Variants in ATP8B4 observed in about 807,000 individuals in gnomAD.
ATP8B4 encodes ATPase phospholipid transporting 8B4 (putative).
In ATP8B4, 133 loss-of-function variants were observed where a neutral mutation model predicts 145.6. The ratio of observed to expected loss-of-function variants is 0.91; its 90% CI spans 0.79 to 1.05. ATP8B4 has a LOEUF of 1.05. Among genes scored for constraint, ATP8B4 ranks in the 50% least tolerant of loss-of-function variants. The pLI is 0.00. For synonymous variants in ATP8B4, 507 were observed against 492.9 expected (o/e 1.03, Z -0.38); for missense variants, 1,458 against 1,425.2 (o/e 1.02, Z -0.37).
At chr15:50,097,327 G>C (rs1014128095) in intron 2 of ATP8B4, among the ~76,000 whole-genome samples, 1 of 151,348 alleles carries the variant, frequency 6.6e-6, no homozygotes, top group Non-Finnish European at 1.5e-5. Context: ...TCAAAGCAAT[G>C]TTTATGGTGT....
intron 2 of ATP8B4, among the ~76,000 whole-genome samples, chr15:50,085,947 T>A (rs8027793): frequency 2.4e-5 from 2 of 83,402 alleles, no homozygotes; most frequent in African/African-American, 5.0e-5. Context: ...TTATATATGA[T>A]ATATATCATA....
intron 1 of ATP8B4, among the ~76,000 whole-genome samples, chr15:50,139,864 G>C (rs925112493): frequency 1.3e-5 from 2 of 152,182 alleles, no homozygotes; most frequent in African/African-American, 4.8e-5. Context: ...TGCACAGCAA[G>C]ATGTTTTCTG....
At chr15:49,953,176 T>G (rs1316245736) in intron 14 of ATP8B4, among the ~76,000 whole-genome samples, 3 of 151,418 alleles carry the variant, frequency 2.0e-5, no homozygotes, top group African/African-American at 7.3e-5. Context: ...TGTTGAAGGG[T>G]CTCGCCCAGC....
At chr15:49,964,892 CA>C (rs955136021) in intron 13 of ATP8B4, among the ~76,000 whole-genome samples, 2 of 151,576 alleles carry the variant, frequency 1.3e-5, no homozygotes, top group Admixed American at 6.6e-5. Context: ...CAATATGTGG[CA>C]AAAAAAATCC....
chr15:49,978,325 T>G (rs774923046), intron 12 of ATP8B4, among the ~76,000 whole-genome samples: 28 of 152,124 alleles, frequency 1.8e-4, no homozygotes, highest in Non-Finnish European at 3.5e-4. Flanking sequence ...GAATCAAAGA[T>G]GAGCCAGTAG....
intron 19 of ATP8B4, among the ~76,000 whole-genome samples, chr15:49,917,977 G>C (rs1327342864): frequency 2.0e-5 from 3 of 152,098 alleles, no homozygotes; most frequent in African/African-American, 7.2e-5. Context: ...TATTTTTTGT[G>C]ATCAATGATT....
chr15:49,972,090 G>C (rs929576486), intron 13 of ATP8B4, among the ~76,000 whole-genome samples: 4 of 152,160 alleles, frequency 2.6e-5, no homozygotes, highest in Non-Finnish European at 4.4e-5. Context: ...CATGAACACA[G>C]GGAGGGGAAC....
At chr15:50,140,532 G>A (rs1157676354) in intron 1 of ATP8B4, among the ~76,000 whole-genome samples, 1 of 152,216 alleles carries the variant, frequency 6.6e-6, no homozygotes, top group Admixed American at 6.5e-5. Flanking sequence ...AAGCATTTAG[G>A]AAGGATTAAG....
chr15:50,080,712 C>T (rs2054488486), intron 2 of ATP8B4, among the ~76,000 whole-genome samples: 1 of 152,014 alleles, frequency 6.6e-6, no homozygotes, highest in African/African-American at 2.4e-5. Flanking sequence ...GAATTACAGG[C>T]ATGAACCACC....
intron 2 of ATP8B4, among the ~76,000 whole-genome samples, chr15:50,086,557 G>A (rs1465335213): frequency 2.1e-5 from 2 of 96,020 alleles, no homozygotes; most frequent in South Asian, 6.0e-4. Flanking sequence ...AAATAATATA[G>A]AGATCTATAT....
intron 9 of ATP8B4, among the ~76,000 whole-genome samples, chr15:49,994,943 T>A (rs1276893381): frequency 6.6e-6 from 1 of 152,170 alleles, no homozygotes; most frequent in East Asian, 1.9e-4. Context: ...TCTTTCATCT[T>A]ACCCTTAGCC....
At chr15:50,141,160 C>G (rs1567404209) in intron 1 of ATP8B4, among the ~76,000 whole-genome samples, 2 of 152,122 alleles carry the variant, frequency 1.3e-5, no homozygotes, top group Non-Finnish European at 2.9e-5. Context: ...GGGACATTCC[C>G]TTTCCAAGAC....
intron 2 of ATP8B4, among the ~76,000 whole-genome samples, chr15:50,090,636 T>A (rs2055548750): frequency 6.6e-6 from 1 of 152,224 alleles, no homozygotes; most frequent in African/African-American, 2.4e-5. Context: ...AGGAATACAT[T>A]TCTGTTTCGT....
chr15:50,164,359 C>T (rs2044565456), intron 1 of ATP8B4, among the ~76,000 whole-genome samples: 1 of 152,190 alleles, frequency 6.6e-6, no homozygotes, highest in Non-Finnish European at 1.5e-5. Context: ...TGAATCCTGC[C>T]AAGATGAGAT....
At chr15:50,043,122 G>A (rs2051433783) in intron 5 of ATP8B4, among the ~76,000 whole-genome samples, 1 of 152,200 alleles carries the variant, frequency 6.6e-6, no homozygotes, top group Non-Finnish European at 1.5e-5. Context: ...GCTCAGAGGA[G>A]TGACTTGGGC....
intron 1 of ATP8B4, among the ~76,000 whole-genome samples, chr15:50,140,315 C>T (rs886841631): frequency 6.6e-6 from 1 of 152,162 alleles, no homozygotes; most frequent in African/African-American, 2.4e-5. Context: ...ATAAGCCAAG[C>T]TGAACACTCC....
rs2043885599 is a variant in ATP8B4 at position 49,959,618 on chromosome 15, C to T, written c.1287+2359G>A. ...ATAAACAAAAGAAAATATAGTAAGA[C>T]AGTGTTATACAAAATTAACAATCAA... On this transcript the variant is annotated intron_variant, in intron 14 of 27. Transcript: ENST00000284509. Among the ~76,000 whole-genome samples, 3 of 151,894 alleles carry T rather than the reference C, an allele frequency of 2.0e-5. No homozygotes were observed. In the South Asian group the frequency reaches 6.2e-4, roughly 31 times the overall value.
At chr15:50,056,201 C>T (rs1036386066) in intron 3 of ATP8B4, among the ~76,000 whole-genome samples, 1 of 152,098 alleles carries the variant, frequency 6.6e-6, no homozygotes, top group African/African-American at 2.4e-5. Flanking sequence ...GGGCACATAT[C>T]CCCCAACATT....
intron 3 of ATP8B4, among the ~76,000 whole-genome samples, chr15:50,062,976 T>A (rs1331302163): frequency 6.6e-6 from 1 of 152,066 alleles, no homozygotes; most frequent in Non-Finnish European, 1.5e-5. Flanking sequence ...TTTGCAAGAA[T>A]CATAGGAATA....
Sources: allele counts gnomAD v4.1 joint callset (sites outside exome capture counted in the v4.1 genomes callset), GRCh38; gene constraint gnomAD v4.1.1; transcripts MANE v1.5; gene names NCBI Gene and HGNC (gene_info 2026-07-23, HGNC 2026-07-21).